DYM: variants seen among roughly 807,000 people sequenced by gnomAD.
DYM encodes the protein dyggve-Melchior-Clausen syndrome protein.
A neutral mutation model predicts 93.1 loss-of-function variants in DYM; 78 were observed. The observed-to-expected ratio is 0.84, with a 90% confidence interval of 0.70 to 1.01. DYM has a LOEUF of 1.01. DYM is among the 50% of genes least tolerant of loss of function. The pLI is 0.00. For missense variants in DYM, 789 were observed against 845.0 expected (o/e 0.93, Z 0.82); for synonymous variants, 321 against 319.7 (o/e 1.00, Z -0.04).
intron 17 of DYM, among the ~76,000 whole-genome samples, chr18:49,065,098 A>G (rs551879143): frequency 6.6e-6 from 1 of 152,260 alleles, no homozygotes; most frequent in Admixed American, 6.5e-5. Context: ...TAGATCAGAG[A>G]GAGTAACTAA....
intron 2 of DYM, among the ~76,000 whole-genome samples, chr18:49,415,321 CAA>C (rs71165393): frequency 5.7e-5 from 5 of 87,092 alleles, no homozygotes; most frequent in African/African-American, 9.8e-5. Flanking sequence ...CTGGGTCTCT[CAA>C]AAAAAAAAAA....
intron 11 of DYM, among the ~76,000 whole-genome samples, chr18:49,264,402 A>G (rs1447972358): frequency 2.0e-5 from 3 of 152,074 alleles, no homozygotes; most frequent in Non-Finnish European, 2.9e-5. Flanking sequence ...AAGTGGTTCT[A>G]CCAATTTATA....
intron 15 of DYM, among the ~76,000 whole-genome samples, chr18:49,123,600 G>T (rs779045369): frequency 6.6e-6 from 1 of 152,168 alleles, no homozygotes; most frequent in Non-Finnish European, 1.5e-5. Flanking sequence ...AGCTCAGCAG[G>T]CTCACTGTTC....
intron 2 of DYM, among the ~76,000 whole-genome samples, chr18:49,403,977 C>T (rs1191369821): frequency 6.6e-6 from 1 of 151,466 alleles, no homozygotes; most frequent in Non-Finnish European, 1.5e-5. Context: ...TTTATTTATC[C>T]AATTTACTGT....
At chr18:49,189,707 T>C (rs1296124693) in intron 14 of DYM, among the ~76,000 whole-genome samples, 2 of 152,174 alleles carry the variant, frequency 1.3e-5, no homozygotes, top group Admixed American at 6.5e-5. Context: ...ATTATTACTG[T>C]ATATAGAGTC....
rs372417568 is a variant in DYM at position 49,458,068 on chromosome 18, ATT to A, written c.-54+2328_-54+2329del. Among the ~76,000 whole-genome samples, 36 of 152,336 alleles carry A rather than the reference ATT, an allele frequency of 2.4e-4. No individual in the cohort carries two copies. The East Asian group carries it at 3.9e-3, about 16-fold the overall frequency. On this transcript the variant is annotated intron_variant, in intron 1 of 17. Transcript: ENST00000675505. ...TACAGAACTGTAAAATAATAAATGC[ATT>A]GTTTTAAGCCACTAAATTTGTGGTA...
Position 49,410,426 on chromosome 18 carries a change from G to T in DYM, c.141-18781C>A, listed in dbSNP as rs72642463. On this transcript the variant is annotated intron_variant, in intron 2 of 17. Coordinates refer to ENST00000675505, the MANE Select transcript of DYM (RefSeq NM_001353214.3). ...CCAGGCCATGGTGTTGGTCCTCAGGGATTAAGGTTAAAAAAAAATAAGAAG... is the reference window on the plus strand; with the variant it reads ...CCAGGCCATGGTGTTGGTCCTCAGGTATTAAGGTTAAAAAAAAATAAGAAG... Among the ~76,000 whole-genome samples the T allele has an allele frequency of 1.8e-3, 270 of 151,082 alleles. 10 individuals carry two copies. The East Asian group carries it at 0.049, about 27-fold the overall frequency.
At chr18:49,105,051 G>C (rs2080638676) in intron 16 of DYM, among the ~76,000 whole-genome samples, 1 of 152,036 alleles carries the variant, frequency 6.6e-6, no homozygotes, top group African/African-American at 2.4e-5. Flanking sequence ...GACTTTTTTT[G>C]GTTGGTAAGC....
At position 49,076,569 on chromosome 18, in the gene DYM, C is replaced by G. The variant is rs944315617; in HGVS notation, c.2025+20833G>C. Among the ~76,000 whole-genome samples the G allele has an allele frequency of 3.9e-5, 6 of 152,212 alleles. 1 individual carries two copies. Among genetic ancestry groups the G allele is most frequent in the Admixed American group, 1.3e-4 (2 of 15,298 alleles). On this transcript the variant is annotated intron_variant, in intron 17 of 17. Transcript: ENST00000675505. The stretch of plus-strand genomic sequence containing the variant: ...CTGCATGTTCACATCCTGATGACAC[C>G]TGGGAAGAGGTGAATTGTACATTCT...
At chr18:49,106,540 G>T (rs1248469105) in intron 16 of DYM, among the ~76,000 whole-genome samples, 1 of 152,164 alleles carries the variant, frequency 6.6e-6, no homozygotes, top group Non-Finnish European at 1.5e-5. Flanking sequence ...GCAGTGGCTG[G>T]TACCGGTTGT....
chr18:49,405,514 T>A (rs1191079102), intron 2 of DYM, among the ~76,000 whole-genome samples: 1 of 152,234 alleles, frequency 6.6e-6, no homozygotes, highest in East Asian at 1.9e-4. Flanking sequence ...TCCTTATGAT[T>A]TTTGTCCGCT....
chr18:49,118,330 T>C (rs2082089515), intron 16 of DYM, among the ~76,000 whole-genome samples: 1 of 152,158 alleles, frequency 6.6e-6, no homozygotes, highest in Non-Finnish European at 1.5e-5. Context: ...AAGACTTATT[T>C]ATAAACTTTT....
intron 15 of DYM, among the ~76,000 whole-genome samples, chr18:49,128,758 C>G (rs943234430): frequency 2.0e-5 from 3 of 152,032 alleles, no homozygotes. Context: ...CTTCAAACTT[C>G]AGGAAAATTC....
At chr18:49,079,817 C>G (rs2077641564) in intron 17 of DYM, among the ~76,000 whole-genome samples, 1 of 151,988 alleles carries the variant, frequency 6.6e-6, no homozygotes. Context: ...TCTACACAAA[C>G]ACGGCAACCA....
chr18:49,232,285 TTTC>T (rs981510428), intron 13 of DYM, among the ~76,000 whole-genome samples: 18 of 151,988 alleles, frequency 1.2e-4, no homozygotes, highest in African/African-American at 1.2e-4. Flanking sequence ...TGAAACAGAA[TTTC>T]TTCTTTTTTG....
chr18:49,093,175 C>G (rs1269902838), intron 17 of DYM: 2 of 152,118 alleles, frequency 1.3e-5, no homozygotes, highest in Non-Finnish European at 2.9e-5. Flanking sequence ...GTGGGTGAAT[C>G]AGAGTGGGCT....
intron 14 of DYM, among the ~76,000 whole-genome samples, chr18:49,170,366 G>A (rs1438235075): frequency 3.9e-5 from 6 of 152,250 alleles, no homozygotes; most frequent in Admixed American, 2.0e-4. Flanking sequence ...GAAGCAGATG[G>A]GCAGTTTAGA....
chr18:49,290,588 A>G (rs1490502124), intron 8 of DYM, among the ~76,000 whole-genome samples: 1 of 152,168 alleles, frequency 6.6e-6, no homozygotes, highest in Non-Finnish European at 1.5e-5. Context: ...ATTAGTATGT[A>G]GAATATGGGA....
chr18:49,227,985 C>T (rs1460219068), intron 13 of DYM, among the ~76,000 whole-genome samples: 6 of 152,128 alleles, frequency 3.9e-5, no homozygotes, highest in Non-Finnish European at 4.4e-5. Flanking sequence ...GGTGCTCTCC[C>T]TTCTAGGTTC....
Sources: gnomAD v4.1 joint callset for allele counts (sites outside exome capture counted in the v4.1 genomes callset) on GRCh38, gnomAD v4.1.1 for gene constraint, MANE v1.5 for transcripts, NCBI Gene and HGNC (gene_info 2026-07-23, HGNC 2026-07-21) for gene names.